The following RNF121 variants were observed in gnomAD, a reference collection of about 807,000 sequenced individuals.
RNF121 encodes E3 ubiquitin ligase RNF121.
A neutral mutation model predicts 46.5 loss-of-function variants in RNF121; 21 were observed. The observed-to-expected ratio is 0.45, with a 90% confidence interval of 0.32 to 0.65. RNF121 has a LOEUF of 0.65. Among genes scored for constraint, RNF121 ranks in the 30% least tolerant of loss-of-function variants. The pLI, the probability that RNF121 is intolerant of heterozygous loss-of-function variation, is 0.04. For synonymous variants in RNF121, 139 were observed against 144.7 expected (o/e 0.96, Z 0.28); for missense variants, 346 against 416.0 (o/e 0.83, Z 1.46).
intron 3 of RNF121, among the ~76,000 whole-genome samples, chr11:71,976,253 G>A (rs560218387): frequency 6.6e-6 from 1 of 150,880 alleles, no homozygotes; most frequent in East Asian, 2.0e-4. Flanking sequence ...TCTTTGTATA[G>A]TGTGGCCCCA....
intron 4 of RNF121, 57 bp downstream of exon 4, chr11:71,982,972 G>C (rs772593248): frequency 6.6e-7 from 1 of 1,514,768 alleles, no homozygotes; most frequent in Non-Finnish European, 8.9e-7. Context: ...GGGTTGGAAT[G>C]CATGGGAGGA....
chr11:71,975,735 G>C (rs535239574), intron 3 of RNF121, among the ~76,000 whole-genome samples: 21 of 152,316 alleles, frequency 1.4e-4, no homozygotes, highest in Admixed American at 4.6e-4. Context: ...GCTTGAAGTG[G>C]AAAAGATGGG....
rs191641761 is a variant in RNF121 at position 71,958,113 on chromosome 11, T to C, written c.101+849T>C. On this transcript the variant is annotated intron_variant, in intron 2 of 8. Transcript: ENST00000361756. ...ATGTTCGTAGAAATATGCTGTCTGC[T>C]GTAAGAGAGGTGATAGTGCCACTGT... Among the ~76,000 whole-genome samples, 4 of 152,324 alleles carry C rather than the reference T, an allele frequency of 2.6e-5. No homozygotes were observed. The East Asian group carries it at 7.7e-4, about 29-fold the overall frequency.
intron 3 of RNF121, among the ~76,000 whole-genome samples, chr11:71,982,206 C>T (rs868818883): frequency 4.3e-4 from 65 of 152,012 alleles, no homozygotes; most frequent in African/African-American, 1.4e-3. Flanking sequence ...CGTGGTGGCA[C>T]GCGCCTGTAA....
intron 1 of RNF121, among the ~76,000 whole-genome samples, chr11:71,949,800 C>T (rs1191161383): frequency 6.6e-6 from 1 of 151,096 alleles, no homozygotes; most frequent in East Asian, 2.0e-4. Flanking sequence ...TCCAAGACCA[C>T]CCTGGCTAAG....
intron 5 of RNF121, among the ~76,000 whole-genome samples, chr11:71,988,873 A>C (rs1954816540): frequency 6.6e-6 from 1 of 152,158 alleles, no homozygotes; most frequent in African/African-American, 2.4e-5. Context: ...GAGTGCACTC[A>C]TGAAATTCTT....
intron 1 of RNF121, among the ~76,000 whole-genome samples, chr11:71,956,451 G>T (rs1390752214): frequency 1.3e-5 from 2 of 152,188 alleles, no homozygotes; most frequent in Admixed American, 6.5e-5. Flanking sequence ...CCTCAACAGG[G>T]AATGAACCAC....
At chr11:71,956,393 C>T (rs537490505) in intron 1 of RNF121, among the ~76,000 whole-genome samples, 28 of 152,264 alleles carry the variant, frequency 1.8e-4, no homozygotes, top group South Asian at 8.3e-4. Flanking sequence ...TATTCTAGAG[C>T]AGTGGTTTTC....
At chr11:71,990,518 C>T in intron 5 of RNF121, 79 bp from the exon 6 acceptor site, 1 of 1,548,912 alleles carries the variant, frequency 6.5e-7, no homozygotes, top group African/African-American at 1.4e-5. Flanking sequence ...TTGGGCCCTG[C>T]CTTGTGTGTC....
At chr11:71,966,497 T>A (rs1032642524) in intron 3 of RNF121, among the ~76,000 whole-genome samples, 3 of 151,932 alleles carry the variant, frequency 2.0e-5, no homozygotes, top group Non-Finnish European at 4.4e-5. Flanking sequence ...TTTTTTTTTT[T>A]AAGATACAGG....
chr11:71,982,770 C>T lies in RNF121; in HGVS notation c.253C>T (p.Leu85Phe). The change falls in exon 4 of 9, where the codon CTC becomes TTC. Residue 85 changes from leucine to phenylalanine, a missense_variant. Physicochemically the swap from Leu to Phe is conservative, Grantham distance 22 (BLOSUM62 0). This residue lies in a region of RNF121 where 286 missense variants were observed against 383.8 expected (regional missense o/e 0.75). Coordinates refer to ENST00000361756, the MANE Select transcript of RNF121 (RefSeq NM_018320.5). Reference sequence around the variant, plus strand: ...TGTGTTTGTGTTTCAGATGGTGACCCTCTTTCAGATGTGGGTTGTTCCCCT... The same window carrying T: ...TGTGTTTGTGTTTCAGATGGTGACCTTCTTTCAGATGTGGGTTGTTCCCCT... ...RHPRSYNMVT[L>F]FQMWVVPLYF... 1 of 1,610,216 alleles carries T rather than the reference C, an allele frequency of 6.2e-7. No individual in the cohort carries two copies. The highest frequency in any genetic ancestry group is 1.1e-5 in the South Asian group (1 of 90,388).
intron 1 of RNF121, among the ~76,000 whole-genome samples, chr11:71,942,760 AT>A (rs1292255337): frequency 2.0e-4 from 22 of 107,526 alleles, no homozygotes; most frequent in African/African-American, 7.0e-4. Context: ...CAAAAAAAAA[AT>A]CTATATATCT....
intron 1 of RNF121, among the ~76,000 whole-genome samples, chr11:71,934,920 G>T: frequency 6.7e-6 from 1 of 149,552 alleles, no homozygotes; most frequent in Admixed American, 6.7e-5. Flanking sequence ...CTAGTCCTGT[G>T]CCAAGTGTTC....
intron 5 of RNF121, among the ~76,000 whole-genome samples, chr11:71,987,920 C>G (rs1311961736): frequency 6.6e-6 from 1 of 152,186 alleles, no homozygotes; most frequent in South Asian, 2.1e-4. Flanking sequence ...CCCATTCCCC[C>G]AGGAACACAT....
chr11:71,954,005 T>C (rs1418162868), intron 1 of RNF121, among the ~76,000 whole-genome samples: 2 of 152,332 alleles, frequency 1.3e-5, no homozygotes, highest in Non-Finnish European at 2.9e-5. Flanking sequence ...GAGATCCTAG[T>C]TGGGGAGCAA....
At chr11:71,942,302 T>C (rs77221646) in intron 1 of RNF121, among the ~76,000 whole-genome samples, 2 of 152,238 alleles carry the variant, frequency 1.3e-5, no homozygotes, top group East Asian at 3.9e-4. Context: ...AAAAGATCTT[T>C]CTGGCTGCTT....
At chr11:71,934,487 C>T (rs1953355154) in intron 1 of RNF121, among the ~76,000 whole-genome samples, 1 of 152,240 alleles carries the variant, frequency 6.6e-6, no homozygotes, top group Admixed American at 6.5e-5. Flanking sequence ...CTTGCTTCTT[C>T]AAGCAGTAAT....
At chr11:71,958,262 C>T (rs550058855) in intron 2 of RNF121, among the ~76,000 whole-genome samples, 43 of 152,196 alleles carry the variant, frequency 2.8e-4, no homozygotes, top group African/African-American at 9.6e-4. Flanking sequence ...GTTATATGAA[C>T]AGTGGTTAAA....
At chr11:71,962,628 G>T (rs947937635) in intron 3 of RNF121, among the ~76,000 whole-genome samples, 1 of 152,128 alleles carries the variant, frequency 6.6e-6, no homozygotes, top group African/African-American at 2.4e-5. Flanking sequence ...GAATTTTATT[G>T]GTGAGAGGAT....
Sources: allele counts gnomAD v4.1 joint callset (sites outside exome capture counted in the v4.1 genomes callset), GRCh38; gene constraint gnomAD v4.1.1; regional missense constraint gnomAD v4.1.1; transcripts MANE v1.5; gene names NCBI Gene and HGNC (gene_info 2026-07-23, HGNC 2026-07-21).